NOL10: variants seen among roughly 807,000 people sequenced by gnomAD.
NOL10 encodes the protein nucleolar protein 10.
In NOL10, 58 loss-of-function variants were observed where a neutral mutation model predicts 103.5. That is an observed-to-expected ratio of 0.56 (90% CI 0.45 to 0.70). NOL10 has a LOEUF of 0.70. Among genes scored for constraint, NOL10 ranks in the 30% least tolerant of loss-of-function variants. NOL10 has a pLI of 0.00. For missense variants in NOL10, 763 were observed against 807.3 expected, an observed-to-expected ratio of 0.95 and a Z score of 0.67; for synonymous variants, 287 against 282.5, an observed-to-expected ratio of 1.02 and a Z score of -0.16.
At chr2:10,621,439 C>G (rs116972343) in intron 13 of NOL10, among the ~76,000 whole-genome samples, 1 of 151,956 alleles carries the variant, frequency 6.6e-6, no homozygotes, top group Non-Finnish European at 1.5e-5. Flanking sequence ...ATAAAACATA[C>G]GAAAATTATC....
chr2:10,616,729 T>C (rs1054333693), intron 13 of NOL10, among the ~76,000 whole-genome samples: 1 of 151,224 alleles, frequency 6.6e-6, no homozygotes, highest in Admixed American at 6.6e-5. Flanking sequence ...TTGTATCTTT[T>C]GTAGAGATGT....
At position 10,671,703 on chromosome 2, in the gene NOL10, C is replaced by T. The variant is rs1460395298; in HGVS notation, c.328-13G>A. ...GTAAGAAGACAATCTGAAAATAAAA[C>T]AAAAAAATTAGTTTGCTTAGGTTTC... is the stretch of plus-strand genomic sequence containing the variant. On this transcript the variant is annotated splice_polypyrimidine_tract_variant and intron_variant, in intron 5 of 20. Coordinates refer to ENST00000381685, the MANE Select transcript of NOL10 (RefSeq NM_024894.4). 1 of 1,532,402 alleles carries T rather than the reference C, an allele frequency of 6.5e-7. No homozygotes were observed. The highest frequency in any genetic ancestry group is 2.4e-5 in the East Asian group (1 of 41,890). 94.9% of individuals were successfully genotyped at this position (1,532,402 alleles called of 1,614,324 possible).
chr2:10,591,275 G>A (rs921767253), intron 17 of NOL10, among the ~76,000 whole-genome samples: 1 of 152,146 alleles, frequency 6.6e-6, no homozygotes. Context: ...CTGCAAACAC[G>A]TGCTACTAGG....
At chr2:10,599,430 G>A (rs978464989) in intron 17 of NOL10, among the ~76,000 whole-genome samples, 1 of 152,198 alleles carries the variant, frequency 6.6e-6, no homozygotes, top group African/African-American at 2.4e-5. Flanking sequence ...ACTCTGAGGA[G>A]AGAGTCAACA....
At chr2:10,666,934 A>G (rs1163147371) in intron 8 of NOL10, among the ~76,000 whole-genome samples, 1 of 152,214 alleles carries the variant, frequency 6.6e-6, no homozygotes, top group Non-Finnish European at 1.5e-5. Flanking sequence ...ACATATTTGC[A>G]TTTTTTAAAA....
At chr2:10,666,136 G>A (rs1242673606) in intron 8 of NOL10, among the ~76,000 whole-genome samples, 1 of 152,156 alleles carries the variant, frequency 6.6e-6, no homozygotes, top group Non-Finnish European at 1.5e-5. Flanking sequence ...AGAACACGCA[G>A]TATTTGGTTT....
At chr2:10,603,930 T>C (rs1428078901) in intron 14 of NOL10, among the ~76,000 whole-genome samples, 2 of 152,218 alleles carry the variant, frequency 1.3e-5, no homozygotes, top group Non-Finnish European at 2.9e-5. Flanking sequence ...ATTTACGATA[T>C]ATGTCAGTGG....
chr2:10,612,914 A>T (rs1676646047), intron 13 of NOL10, among the ~76,000 whole-genome samples: 1 of 151,808 alleles, frequency 6.6e-6, no homozygotes. Flanking sequence ...CTGTGGTCCC[A>T]GCTATTCCTG....
chr2:10,653,282 C>A (rs1679605529), intron 12 of NOL10, among the ~76,000 whole-genome samples: 1 of 151,932 alleles, frequency 6.6e-6, no homozygotes, highest in South Asian at 2.1e-4. Flanking sequence ...GGGAGCTGTA[C>A]CTTTAAAGCT....
intron 13 of NOL10, among the ~76,000 whole-genome samples, chr2:10,631,717 GTTTT>G (rs35958352): frequency 2.1e-5 from 3 of 141,780 alleles, no homozygotes; most frequent in Non-Finnish European, 4.7e-5. Flanking sequence ...TGTTCTCCCT[GTTTT>G]TTTTTTTTTT....
intron 17 of NOL10, among the ~76,000 whole-genome samples, chr2:10,591,698 C>T (rs2148166773): frequency 6.6e-6 from 1 of 152,112 alleles, no homozygotes; most frequent in Non-Finnish European, 1.5e-5. Flanking sequence ...CAGAAGTGTG[C>T]TTCAAGACTC....
rs59640725 is a variant in NOL10 at position 10,684,703 on chromosome 2, T to C, written c.67-91A>G. 3,193 of 917,222 alleles carry C rather than the reference T, an allele frequency of 3.5e-3. 84 individuals carry two copies. In the African/African-American group the frequency reaches 0.047, roughly 14 times the overall value. 56.8% of individuals were successfully genotyped at this position (917,222 alleles called of 1,614,324 possible). ...ATCAATACATGCTTATATTTAAAAA[T>C]TCAAACTTCATAGGAATATATAACA... is the stretch of plus-strand genomic sequence containing the variant. On this transcript the variant is annotated intron_variant, in intron 1 of 20. Transcript: ENST00000381685.
chr2:10,668,677 G>A lies in NOL10; in HGVS notation c.511C>T (p.Pro171Ser). ...LNLEQGRYLN[P>S]LQTDAAENNV... is the part of the protein sequence containing the mutation. ...ACTCACGCAGCATCAGTTTGTAGAG[G>A]ATTCAGGTATCGTCCTTGTTCTAAG... Residue 171 changes from proline (P) to serine (S), a missense_variant, in exon 7 of 21, where the codon CCT (proline) becomes TCT (serine). Physicochemically the swap from Pro to Ser is moderately conservative, Grantham distance 74. Transcript: ENST00000381685. 6.5e-7 allele frequency: 1 copy of A among 1,545,612 alleles called. No individual in the cohort carries two copies. Among genetic ancestry groups the A allele is most frequent in the Non-Finnish European group, 8.8e-7 (1 of 1,134,864 alleles).
intron 2 of NOL10, 123 bp downstream of exon 2, chr2:10,684,444 A>G (rs1329954355): frequency 2.6e-6 from 2 of 768,200 alleles, no homozygotes; most frequent in Non-Finnish European, 2.1e-6. Context: ...GGACAAGAGC[A>G]TTCATTTTCC....
chr2:10,598,099 C>T (rs1041347131), intron 17 of NOL10, among the ~76,000 whole-genome samples: 17 of 152,310 alleles, frequency 1.1e-4, no homozygotes, highest in African/African-American at 4.1e-4. Context: ...GGTGCCCCAA[C>T]AAGACGGTTC....
intron 14 of NOL10, among the ~76,000 whole-genome samples, chr2:10,605,047 C>T (rs1392269392): frequency 6.6e-6 from 1 of 152,212 alleles, no homozygotes; most frequent in Non-Finnish European, 1.5e-5. Flanking sequence ...GATTCATTCT[C>T]CAGGCAACCC....
intron 19 of NOL10, among the ~76,000 whole-genome samples, chr2:10,585,474 A>C (rs1482322515): frequency 6.6e-6 from 1 of 152,266 alleles, no homozygotes; most frequent in Non-Finnish European, 1.5e-5. Context: ...AACACATGTA[A>C]AACTGTATAA....
chr2:10,607,777 T>TTATTATTATTATTATTATTATTG (rs1676338200), intron 13 of NOL10, among the ~76,000 whole-genome samples: 1 of 63,404 alleles, frequency 1.6e-5, no homozygotes, highest in East Asian at 6.8e-4. Context: ...TATTATTATT[T>TTATTATTATTATTATTATTATTG]TGTAGAGATA....
intron 19 of NOL10, among the ~76,000 whole-genome samples, chr2:10,582,447 A>C (rs550990182): frequency 1.3e-5 from 2 of 152,304 alleles, no homozygotes; most frequent in East Asian, 3.9e-4. Flanking sequence ...CCATCTACTG[A>C]AACGTGGAGA....
Sources: allele counts gnomAD v4.1 joint callset (sites outside exome capture counted in the v4.1 genomes callset), GRCh38; gene constraint gnomAD v4.1.1; transcripts MANE v1.5; gene names NCBI Gene and HGNC (gene_info 2026-07-23, HGNC 2026-07-21).